NALF1: variants seen among roughly 807,000 people sequenced by gnomAD.
The protein encoded by NALF1 is NALCN channel auxiliary factor 1.
A neutral mutation model predicts 48.4 loss-of-function variants in NALF1; 3 were observed. The observed-to-expected ratio is 0.06, with a 90% CI of 0.03 to 0.16. The LOEUF is 0.16. Among genes scored for constraint, NALF1 ranks in the 10% least tolerant of loss-of-function variants. NALF1 has a pLI of 1.00. For missense variants in NALF1, 526 were observed against 571.5 expected (o/e 0.92, Z 0.81); for synonymous variants, 262 against 245.7 (o/e 1.07, Z -0.62).
At chr13:107,416,752 C>T (rs1259461034) in intron 1 of NALF1, among the ~76,000 whole-genome samples, 2 of 152,194 alleles carry the variant, frequency 1.3e-5, no homozygotes, top group Non-Finnish European at 2.9e-5. Context: ...TCACGTTGCT[C>T]AAGGGTCACT....
intron 1 of NALF1, among the ~76,000 whole-genome samples, chr13:107,296,593 T>G (rs1276936477): frequency 6.6e-6 from 1 of 152,170 alleles, no homozygotes; most frequent in East Asian, 1.9e-4. Flanking sequence ...TCAGCTATAC[T>G]GAAGAAAATT....
intron 1 of NALF1, among the ~76,000 whole-genome samples, chr13:107,247,816 C>T (rs573449369): frequency 5.9e-5 from 9 of 152,036 alleles, no homozygotes; most frequent in African/African-American, 2.2e-4. Flanking sequence ...CAAATAATAA[C>T]AACAAAACCC....
chr13:107,710,194 A>G (rs1441938261), intron 1 of NALF1, among the ~76,000 whole-genome samples: 1 of 152,128 alleles, frequency 6.6e-6, no homozygotes. Flanking sequence ...GAAAGAAAAG[A>G]AAGGAAAAGA....
chr13:107,654,248 T>G (rs1384903706), intron 1 of NALF1, among the ~76,000 whole-genome samples: 1 of 152,180 alleles, frequency 6.6e-6, no homozygotes, highest in Non-Finnish European at 1.5e-5. Flanking sequence ...AAGGCTACTG[T>G]AAACACCTTT....
intron 1 of NALF1, among the ~76,000 whole-genome samples, chr13:107,321,866 A>C (rs72650536): frequency 6.6e-6 from 1 of 152,158 alleles, no homozygotes; most frequent in Admixed American, 6.6e-5. Context: ...GAATTCCAAA[A>C]CCTAAAAAAA....
intron 1 of NALF1, among the ~76,000 whole-genome samples, chr13:107,756,435 C>CTATGTATATACATATATATATA (rs1877094475): frequency 7.1e-6 from 1 of 141,056 alleles, no homozygotes; most frequent in African/African-American, 2.7e-5. Context: ...AGTTTAATGG[C>CTATGTATATACATATATATATA]TATATATATA....
chr13:107,174,797 G>T (rs1878883270), intron 2 of NALF1, among the ~76,000 whole-genome samples: 1 of 152,040 alleles, frequency 6.6e-6, no homozygotes, highest in East Asian at 1.9e-4. Context: ...GCTTCAGGGT[G>T]GAGTTGTGCA....
At chr13:107,327,192 T>C (rs1018171117) in intron 1 of NALF1, among the ~76,000 whole-genome samples, 1 of 152,170 alleles carries the variant, frequency 6.6e-6, no homozygotes, top group African/African-American at 2.4e-5. Flanking sequence ...GAATTATAGC[T>C]TTTACCTGCC....
chr13:107,612,489 C>T (rs978190822), intron 1 of NALF1, among the ~76,000 whole-genome samples: 4 of 152,064 alleles, frequency 2.6e-5, no homozygotes, highest in Admixed American at 2.6e-4. Context: ...TGTGTCTACG[C>T]TAGTGTTTCT....
rs549892857 is a variant in NALF1 at position 107,808,438 on chromosome 13, C to T, written c.915+57244G>A. ...CACATTTTTCCCAAGATTTGTCCTA[C>T]TTTTGGCTTATTAAAATCTGTCTTT... On this transcript the variant is annotated intron_variant, in intron 1 of 2. Transcript: ENST00000375915. 5.3e-5 allele frequency among the ~76,000 whole-genome samples: 8 copies of T among 152,164 alleles called. No individual in the cohort carries two copies. The South Asian group carries it at 1.4e-3, about 28-fold the overall frequency.
In NALF1 at chr13:107,460,714, T is replaced by G. The variant is rs182580551; in HGVS notation, c.916-249959A>C. ...ACGATATACACTAAATTCTCCATAT[T>G]GATAATACATAGTCACTATCAATTT... On this transcript the variant is annotated intron_variant, in intron 1 of 2. Transcript: ENST00000375915. Among the ~76,000 whole-genome samples, 486 of 152,346 alleles carry G rather than the reference T, an allele frequency of 3.2e-3. 6 individuals are homozygous for G. The highest frequency in any genetic ancestry group is 0.011 in the African/African-American group (474 of 41,586).
At chr13:107,227,705 C>A (rs1195559465) in intron 1 of NALF1, among the ~76,000 whole-genome samples, 14 of 152,116 alleles carry the variant, frequency 9.2e-5, no homozygotes, top group Admixed American at 8.5e-4. Context: ...AAAGAACATA[C>A]CTGAAGAGGT....
At position 107,170,424 on chromosome 13, in the gene NALF1, T is replaced by G. The variant is rs1050742961; in HGVS notation, c.*73A>C. Reference sequence around the variant, plus strand: ...AATTCGAGGGTAAAAGCACCCAGTTTCTGTTACATGAGACAGCAGTTGCCA... The same window carrying G: ...AATTCGAGGGTAAAAGCACCCAGTTGCTGTTACATGAGACAGCAGTTGCCA... On this transcript the variant is annotated 3_prime_UTR_variant, in exon 3 of 3. Coordinates refer to ENST00000375915, the MANE Select transcript of NALF1 (RefSeq NM_001080396.3). The G allele has an allele frequency of 1.4e-6, 2 of 1,466,428 alleles. No individual in the cohort carries two copies. Among genetic ancestry groups the G allele is most frequent in the Non-Finnish European group, 1.8e-6 (2 of 1,085,880 alleles). 90.8% of individuals were successfully genotyped at this position (1,466,428 alleles called of 1,614,324 possible).
intron 1 of NALF1, among the ~76,000 whole-genome samples, chr13:107,317,506 C>A (rs1882173310): frequency 1.3e-5 from 2 of 151,882 alleles, no homozygotes; most frequent in Non-Finnish European, 1.5e-5. Context: ...TCTTTAGATG[C>A]AAATTTTAAA....
intron 2 of NALF1, among the ~76,000 whole-genome samples, chr13:107,206,357 A>T (rs990798058): frequency 1.3e-5 from 2 of 152,166 alleles, no homozygotes; most frequent in African/African-American, 2.4e-5. Context: ...AACATCCTCA[A>T]TCAAAAGCAT....
chr13:107,251,348 C>T (rs765373470), intron 1 of NALF1, among the ~76,000 whole-genome samples: 1 of 152,164 alleles, frequency 6.6e-6, no homozygotes, highest in Non-Finnish European at 1.5e-5. Context: ...GCAGATGAGA[C>T]AAGAAGCCAC....
chr13:107,340,466 C>CTTTCTTTCTTTCTTTCT (rs201495618), intron 1 of NALF1, among the ~76,000 whole-genome samples: 6 of 101,692 alleles, frequency 5.9e-5, no homozygotes, highest in Admixed American at 1.1e-4. Context: ...TTCTTTCTTT[C>CTTTCTTTCTTTCTTTCT]TTCTCTCTTT....
intron 1 of NALF1, among the ~76,000 whole-genome samples, chr13:107,756,444 T>TATATATATATATATATAC (rs201150584): frequency 1.1e-4 from 17 of 150,606 alleles, no homozygotes; most frequent in African/African-American, 3.2e-4. Flanking sequence ...GCTATATATA[T>TATATATATATATATATAC]ATATATATAT....
Position 107,782,519 on chromosome 13 carries a change from T to C in NALF1, c.915+83163A>G, listed in dbSNP as rs879968388. Among the ~76,000 whole-genome samples, 623 of 145,768 alleles carry C rather than the reference T, an allele frequency of 4.3e-3. 6 individuals are homozygous for C. The highest frequency in any genetic ancestry group is 6.3e-3 in the Non-Finnish European group (415 of 66,234). ...GCGTCTCTGCCTGGCCGCCCATCGTTTGGGATGTTAGGAGCCCCTCTGCCT... is the reference window on the plus strand; with the variant it reads ...GCGTCTCTGCCTGGCCGCCCATCGTCTGGGATGTTAGGAGCCCCTCTGCCT... On this transcript the variant is annotated intron_variant, in intron 1 of 2. Coordinates refer to ENST00000375915, the MANE Select transcript of NALF1 (RefSeq NM_001080396.3).
Sources: gnomAD v4.1 joint callset for allele counts (sites outside exome capture counted in the v4.1 genomes callset) on GRCh38, gnomAD v4.1.1 for gene constraint, MANE v1.5 for transcripts, NCBI Gene and HGNC (gene_info 2026-07-23, HGNC 2026-07-21) for gene names.